Variants in LRRC49 observed in about 807,000 individuals in gnomAD.
The protein encoded by LRRC49 is leucine-rich repeat-containing protein 49.
LRRC49 carries 50 observed loss-of-function variants against 83.3 expected under a neutral mutation model. The ratio of observed to expected loss-of-function variants is 0.60; its 90% CI spans 0.48 to 0.76. The LOEUF (loss-of-function observed/expected upper bound fraction) is 0.76. LRRC49 is among the 30% of genes least tolerant of loss of function. The probability of loss-of-function intolerance (pLI) is 0.00; values close to 1 mark genes in which losing one functional copy is unlikely to be tolerated. For synonymous variants in LRRC49, 286 were observed against 283.3 expected, an observed-to-expected ratio of 1.01 and a Z score of -0.10; for missense variants, 704 against 809.1, an observed-to-expected ratio of 0.87 and a Z score of 1.58.
chr15:71,015,040 C>T (rs1370073398), intron 14 of LRRC49, among the ~76,000 whole-genome samples: 1 of 152,132 alleles, frequency 6.6e-6, no homozygotes, highest in East Asian at 1.9e-4. Context: ...TCATACAGAT[C>T]ACATTTTCTA....
intron 15 of LRRC49, among the ~76,000 whole-genome samples, chr15:71,038,835 ACT>A (rs1479665969): frequency 1.3e-5 from 2 of 151,928 alleles, no homozygotes; most frequent in Non-Finnish European, 2.9e-5. Flanking sequence ...TCATCTCAGC[ACT>A]CTCTACATTC....
At position 70,984,086 on chromosome 15, in the gene LRRC49, T is replaced by C; in HGVS notation, c.1006-8T>C. ...ATATAACTTTTGTCACAATTAACTT[T>C]TTCATAGGAGAAGAAAAGGTTAACA... On this transcript the variant is annotated splice_region_variant and splice_polypyrimidine_tract_variant and intron_variant, in intron 10 of 15. Transcript: ENST00000260382. The C allele has an allele frequency of 6.2e-7, 1 of 1,611,942 alleles. No homozygotes were observed. The highest frequency in any genetic ancestry group is 8.5e-7 in the Non-Finnish European group (1 of 1,178,948).
In LRRC49 at chr15:70,984,419, A is replaced by C. The variant is rs553046175; in HGVS notation, c.1169+162A>C. On this transcript the variant is annotated intron_variant, in intron 11 of 15. Transcript: ENST00000260382. Reference sequence around the variant, plus strand: ...AAAAGTTGAAAATATAAATCTTACTATAACATTCTCCAAATTAAAACATGC... The same window carrying C: ...AAAAGTTGAAAATATAAATCTTACTCTAACATTCTCCAAATTAAAACATGC... 6.8e-6 allele frequency: 4 copies of C among 585,582 alleles called. No homozygotes were observed. In the East Asian group the frequency reaches 1.2e-4, roughly 18 times the overall value. The allele number at this position is 585,582 out of a possible 1,614,324, so 36.3% of individuals were successfully genotyped here. A position where few individuals can be genotyped will look rare whatever the true frequency, so the allele number is the denominator to read the frequency against.
intron 6 of LRRC49, among the ~76,000 whole-genome samples, chr15:70,914,498 G>A (rs1468135052): frequency 6.6e-6 from 1 of 152,146 alleles, no homozygotes; most frequent in East Asian, 1.9e-4. Flanking sequence ...ACAGTTGGGA[G>A]AAACTAATTA....
rs2036696012 is a variant in LRRC49 at position 70,963,812 on chromosome 15, CTCT to C, written c.807_809del (p.Ser270del). On this transcript the variant is annotated inframe_deletion, in exon 9 of 16. Coordinates refer to ENST00000260382, the MANE Select transcript of LRRC49 (RefSeq NM_017691.5). ...TTGACAGTGTTTCCTGCCTTGCTGA[CTCT>C]TCTTCCCTCTCGGACATCACCTTTG... 3 of 1,613,476 alleles carry C rather than the reference CTCT, an allele frequency of 1.9e-6. No homozygotes were observed. Among genetic ancestry groups the C allele is most frequent in the Non-Finnish European group, 1.7e-6 (2 of 1,179,594 alleles).
intron 1 of LRRC49, among the ~76,000 whole-genome samples, chr15:70,864,210 A>T (rs1054543843): frequency 6.6e-6 from 1 of 152,120 alleles, no homozygotes; most frequent in African/African-American, 2.4e-5. Flanking sequence ...TAGTGGGTAA[A>T]AGGGCTCAAG....
chr15:70,914,146 A>G (rs1382960083), intron 6 of LRRC49, among the ~76,000 whole-genome samples: 3 of 152,074 alleles, frequency 2.0e-5, no homozygotes, highest in East Asian at 1.9e-4. Flanking sequence ...GTCTTGTTTC[A>G]TAATATATGA....
intron 3 of LRRC49, chr15:70,898,235 C>T: frequency 1.7e-6 from 1 of 575,958 alleles, no homozygotes; most frequent in Non-Finnish European, 3.1e-6. Flanking sequence ...GACCATTATA[C>T]TTCTTAACAC....
intron 7 of LRRC49, among the ~76,000 whole-genome samples, chr15:70,928,690 C>T (rs571371215): frequency 3.9e-4 from 59 of 152,172 alleles, no homozygotes; most frequent in Non-Finnish European, 5.1e-4. Context: ...CTCAGCCTCC[C>T]GAGTAGCTGG....
chr15:71,037,382 T>A (rs1812519859), intron 15 of LRRC49, 50 bp downstream of exon 15: 1 of 1,456,322 alleles, frequency 6.9e-7, no homozygotes, highest in Non-Finnish European at 9.3e-7. Flanking sequence ...ATATCCCACA[T>A]GGCTTGGAAT....
At chr15:70,895,208 G>A (rs1279463615) in intron 2 of LRRC49, among the ~76,000 whole-genome samples, 2 of 152,092 alleles carry the variant, frequency 1.3e-5, no homozygotes, top group Non-Finnish European at 2.9e-5. Flanking sequence ...ATCATAAGAA[G>A]TTGTTCTGGT....
chr15:70,876,929 T>C (rs1449136045), intron 2 of LRRC49, among the ~76,000 whole-genome samples: 1 of 152,232 alleles, frequency 6.6e-6, no homozygotes, highest in Non-Finnish European at 1.5e-5. Context: ...CCGCTTGTTC[T>C]GGCAACATTC....
intron 8 of LRRC49, among the ~76,000 whole-genome samples, chr15:70,937,365 A>G (rs1180654057): frequency 6.6e-6 from 1 of 152,110 alleles, no homozygotes; most frequent in Non-Finnish European, 1.5e-5. Context: ...ATTATCCTTT[A>G]TATTGTGATG....
chr15:70,866,292 G>A (rs544085194), intron 1 of LRRC49, among the ~76,000 whole-genome samples: 33 of 152,136 alleles, frequency 2.2e-4, no homozygotes, highest in African/African-American at 5.3e-4. Context: ...GACTACAGGC[G>A]TGTGCCACCA....
chr15:70,957,880 A>G, intron 8 of LRRC49, among the ~76,000 whole-genome samples: 1 of 152,200 alleles, frequency 6.6e-6, no homozygotes, highest in East Asian at 1.9e-4. Context: ...TGAAAAGATA[A>G]TCTGTCAAAT....
At position 71,049,447 on chromosome 15, in the gene LRRC49, A is replaced by G. The variant is rs2039953815; in HGVS notation, c.1896A>G (p.Ile632Met). Residue 632 changes from isoleucine to methionine, a missense_variant, in exon 16 of 16, where the codon ATA becomes ATG. Coordinates refer to ENST00000260382, the MANE Select transcript of LRRC49 (RefSeq NM_017691.5). ...AGAAGAAATTCTGTAAAACATATAT[A>G]GAAGACCTTGTGAAGGAAGCCACAG... ...KEKKKFCKTY[I>M]EDLVKEATEI... 1 of 1,612,212 alleles carries G rather than the reference A, an allele frequency of 6.2e-7. No homozygotes were observed. Among genetic ancestry groups the G allele is most frequent in the African/African-American group, 1.3e-5 (1 of 74,842 alleles).
chr15:71,049,350 T>A, intron 15 of LRRC49, 59 bp from the exon 16 acceptor site: 2 of 1,114,354 alleles, frequency 1.8e-6, no homozygotes, highest in East Asian at 4.8e-5. Flanking sequence ...CAGCTAATTG[T>A]TGCTTTGACT....
chr15:70,879,487 G>C (rs958712746), intron 2 of LRRC49, among the ~76,000 whole-genome samples: 1 of 152,134 alleles, frequency 6.6e-6, no homozygotes, highest in Non-Finnish European at 1.5e-5. Flanking sequence ...TTAACAGCTG[G>C]TTAACTTGGC....
chr15:70,865,374 T>G (rs34931843), intron 1 of LRRC49, among the ~76,000 whole-genome samples: 82,954 of 151,870 alleles, frequency 0.55, 23,414 homozygotes, highest in Admixed American at 0.69. Context: ...AGAAAGACAT[T>G]CACCTACAAA....
Sources: gnomAD v4.1 joint callset for allele counts (sites outside exome capture counted in the v4.1 genomes callset) on GRCh38, gnomAD v4.1.1 for gene constraint, MANE v1.5 for transcripts, NCBI Gene and HGNC (gene_info 2026-07-23, HGNC 2026-07-21) for gene names.